The following BBX variants were observed in gnomAD, a reference collection of about 807,000 sequenced individuals.
BBX encodes the protein BBX high mobility group box domain containing, also known as HMG box transcription factor BBX.
BBX carries 30 observed loss-of-function variants against 100.2 expected under a neutral mutation model. That is an observed-to-expected ratio of 0.30 (90% CI 0.22 to 0.41). BBX has a LOEUF of 0.41. Among genes scored for constraint, BBX ranks in the 10% least tolerant of loss-of-function variants. The pLI, the probability that BBX is intolerant of heterozygous loss-of-function variation, is 1.00. For synonymous variants in BBX, 376 were observed against 388.1 expected, an observed-to-expected ratio of 0.97 and a Z score of 0.37; for missense variants, 1,023 against 1,129.8, an observed-to-expected ratio of 0.91 and a Z score of 1.35.
At chr3:107,702,230 G>T (rs915810415) in intron 3 of BBX, among the ~76,000 whole-genome samples, 1 of 152,194 alleles carries the variant, frequency 6.6e-6, no homozygotes, top group Non-Finnish European at 1.5e-5. Context: ...TGAGCTGAAG[G>T]TATAATAGTA....
chr3:107,801,720 G>T (rs1236613665), intron 17 of BBX, among the ~76,000 whole-genome samples: 1 of 152,104 alleles, frequency 6.6e-6, no homozygotes, highest in Admixed American at 6.5e-5. Flanking sequence ...GTTATGTGGG[G>T]TAACTCTAGC....
intron 3 of BBX, among the ~76,000 whole-genome samples, chr3:107,667,462 C>T (rs1028828272): frequency 1.3e-5 from 2 of 151,592 alleles, no homozygotes; most frequent in Admixed American, 1.3e-4. Context: ...ATTTAAGTTG[C>T]AACAAATATT....
At chr3:107,611,607 T>C (rs531726546) in intron 2 of BBX, among the ~76,000 whole-genome samples, 103 of 152,306 alleles carry the variant, frequency 6.8e-4, no homozygotes, top group African/African-American at 2.4e-3. Flanking sequence ...CCCAGACATA[T>C]TGGAGCTCCA....
chr3:107,624,621 C>T (rs2056036388), intron 2 of BBX, among the ~76,000 whole-genome samples: 1 of 152,182 alleles, frequency 6.6e-6, no homozygotes, highest in African/African-American at 2.4e-5. Context: ...GTAATCCCAG[C>T]ACTTTGGGAG....
chr3:107,598,007 C>T (rs2053784406), intron 2 of BBX, among the ~76,000 whole-genome samples: 1 of 152,084 alleles, frequency 6.6e-6, no homozygotes, highest in Non-Finnish European at 1.5e-5. Flanking sequence ...GGAGCACTCT[C>T]AGACAGGTCA....
At chr3:107,714,212 G>A (rs922661205) in intron 4 of BBX, among the ~76,000 whole-genome samples, 8 of 151,872 alleles carry the variant, frequency 5.3e-5, no homozygotes, top group African/African-American at 1.9e-4. Context: ...CTGACCTTAG[G>A]TGATCCGCAC....
chr3:107,794,372 A>G (rs192695171), intron 15 of BBX, among the ~76,000 whole-genome samples: 37 of 152,218 alleles, frequency 2.4e-4, no homozygotes, highest in Admixed American at 6.5e-4. Flanking sequence ...TCCGTTTTTC[A>G]TATTTGTAGA....
chr3:107,709,197 A>G (rs1016870012), intron 3 of BBX, among the ~76,000 whole-genome samples: 1 of 152,230 alleles, frequency 6.6e-6, no homozygotes, highest in African/African-American at 2.4e-5. Flanking sequence ...AGATTAATCA[A>G]GTATTTAAAT....
At chr3:107,777,885 C>T (rs1479656316) in intron 12 of BBX, among the ~76,000 whole-genome samples, 2 of 152,044 alleles carry the variant, frequency 1.3e-5, no homozygotes, top group Non-Finnish European at 2.9e-5. Flanking sequence ...TTTTACAAAA[C>T]TACCAATATA....
intron 2 of BBX, among the ~76,000 whole-genome samples, chr3:107,616,317 A>G (rs1345647181): frequency 6.6e-6 from 1 of 152,060 alleles, no homozygotes; most frequent in African/African-American, 2.4e-5. Context: ...AATCTGAAAC[A>G]CTTCTGATCT....
chr3:107,633,488 G>T (rs771062478), intron 2 of BBX, among the ~76,000 whole-genome samples: 6 of 152,150 alleles, frequency 3.9e-5, no homozygotes, highest in Admixed American at 3.9e-4. Flanking sequence ...CATATTTGGC[G>T]CAGATCAAAG....
rs2071257974 is a variant in BBX at position 107,810,879 on chromosome 3, C to T, written c.*5422C>T. On this transcript the variant is annotated 3_prime_UTR_variant, in exon 18 of 18. Coordinates refer to ENST00000325805, the MANE Select transcript of BBX (RefSeq NM_001142568.3). The stretch of plus-strand genomic sequence containing the variant: ...TTCATTTGACCACCAGGTCTAAAGT[C>T]TGTTGACAGTTTCAGCATGACTGAA... 6.6e-6 allele frequency: 1 copy of T among 151,966 alleles called. No individual in the cohort carries two copies. The highest frequency in any genetic ancestry group is 2.4e-5 in the African/African-American group (1 of 41,366). The allele number at this position is 151,966 out of a possible 1,614,324, so 9.4% of individuals were successfully genotyped here.
chr3:107,789,961 T>C, intron 14 of BBX, 85 bp downstream of exon 14: 1 of 1,095,258 alleles, frequency 9.1e-7, no homozygotes, highest in Non-Finnish European at 1.3e-6. Context: ...ATGCACTGCC[T>C]TTGCCTTGTC....
chr3:107,774,705 T>C lies in BBX; in HGVS notation c.1916-14T>C, dbSNP rs760460814. 6.8e-6 allele frequency: 11 copies of C among 1,611,496 alleles called. No homozygotes were observed. The Admixed American group carries it at 1.7e-4, about 25-fold the overall frequency. On this transcript the variant is annotated splice_polypyrimidine_tract_variant and intron_variant, in intron 11 of 17. Transcript: ENST00000325805. ...CTGTATACCAAACACATCCTTTCTC[T>C]TGAATTTTCTTAGGAAAACGAAGCT... is the stretch of plus-strand genomic sequence containing the variant.
intron 6 of BBX, among the ~76,000 whole-genome samples, chr3:107,729,210 A>G: frequency 6.6e-6 from 1 of 152,180 alleles, no homozygotes; most frequent in East Asian, 1.9e-4. Flanking sequence ...AGTATGGAAA[A>G]GTAGACAGCA....
chr3:107,799,787 G>T (rs773081094), intron 16 of BBX, among the ~76,000 whole-genome samples: 3 of 152,170 alleles, frequency 2.0e-5, no homozygotes, highest in Non-Finnish European at 4.4e-5. Context: ...CCTGTTGTCT[G>T]TTTGCTGTTC....
intron 7 of BBX, among the ~76,000 whole-genome samples, chr3:107,737,301 A>G (rs1014770887): frequency 4.7e-4 from 16 of 34,376 alleles, no homozygotes; most frequent in Non-Finnish European, 1.1e-4. Context: ...GCATACATAC[A>G]CACAGAGAGA....
At chr3:107,552,787 T>C (rs1016588035) in intron 2 of BBX, among the ~76,000 whole-genome samples, 1 of 152,250 alleles carries the variant, frequency 6.6e-6, no homozygotes, top group Non-Finnish European at 1.5e-5. Context: ...GGTTTCTTCA[T>C]AATTTCCTTT....
chr3:107,709,238 G>T (rs1271637641), intron 3 of BBX, among the ~76,000 whole-genome samples: 2 of 152,124 alleles, frequency 1.3e-5, no homozygotes, highest in Non-Finnish European at 2.9e-5. Flanking sequence ...AGTTCTAGGA[G>T]AAAACATTGG....
Sources: allele counts gnomAD v4.1 joint callset (sites outside exome capture counted in the v4.1 genomes callset), GRCh38; gene constraint gnomAD v4.1.1; transcripts MANE v1.5; gene names NCBI Gene and HGNC (gene_info 2026-07-23, HGNC 2026-07-21).